The following BMS1 variants were observed in gnomAD, a reference collection of about 807,000 sequenced individuals.
BMS1 encodes BMS1 ribosome biogenesis factor.
A neutral mutation model predicts 138.7 loss-of-function variants in BMS1; 53 were observed. The observed-to-expected ratio is 0.38, with a 90% CI of 0.31 to 0.48. BMS1 has a LOEUF of 0.48. Among genes scored for constraint, BMS1 ranks in the 20% least tolerant of loss-of-function variants. BMS1 has a pLI of 0.97. For synonymous variants in BMS1, 504 were observed against 539.9 expected (o/e 0.93, Z 0.92); for missense variants, 1,360 against 1,565.5 (o/e 0.87, Z 2.22).
chr10:42,807,495 G>A (rs1360745758), intron 13 of BMS1, among the ~76,000 whole-genome samples: 2 of 152,106 alleles, frequency 1.3e-5, no homozygotes, highest in East Asian at 3.8e-4. Flanking sequence ...TTTTCAGACA[G>A]GGTCTTGCTC....
chr10:42,814,062 T>G (rs1196313459), intron 13 of BMS1, among the ~76,000 whole-genome samples: 2 of 152,244 alleles, frequency 1.3e-5, no homozygotes, highest in Non-Finnish European at 2.9e-5. Context: ...GTTTTTAGTT[T>G]TGAAAGTTTA....
At chr10:42,817,149 G>C (rs1391912820) in intron 14 of BMS1, among the ~76,000 whole-genome samples, 169 bp from the exon 15 acceptor site, 3 of 152,194 alleles carry the variant, frequency 2.0e-5, no homozygotes, top group African/African-American at 7.2e-5. Context: ...TCCTGTAGCA[G>C]TACCATGTTA....
At chr10:42,806,759 A>AG (rs1210835692) in intron 13 of BMS1, among the ~76,000 whole-genome samples, 1 of 150,192 alleles carries the variant, frequency 6.7e-6, no homozygotes, top group Non-Finnish European at 1.5e-5. Flanking sequence ...AAAAAAAAAA[A>AG]TCACCTTTTC....
chr10:42,819,867 C>G (rs1349533736), intron 15 of BMS1, among the ~76,000 whole-genome samples: 1 of 152,178 alleles, frequency 6.6e-6, no homozygotes, highest in African/African-American at 2.4e-5. Flanking sequence ...TCTCGACTCA[C>G]TGCAACCTCC....
rs1026075979 is a variant in BMS1 at position 42,817,320 on chromosome 10, T to C, written c.2406T>C (p.Asn802=). ...HKGKSGPNTQ[N]EDIEKEVKEE... is the part of the protein sequence containing the mutation. ...ATTTTTTCTTCTGGAAATTTAAGAA[T>C]GAAGATATAGAGAAAGAAGTTAAGG... The change falls in exon 15 of 23, where the codon AAT becomes AAC. Residue 802 remains asparagine (N), a splice_region_variant and synonymous_variant. Coordinates refer to ENST00000374518, the MANE Select transcript of BMS1 (RefSeq NM_014753.4). The C allele has an allele frequency of 1.1e-5, 18 of 1,574,886 alleles. No individual in the cohort carries two copies. The African/African-American group carries it at 2.4e-4, about 21-fold the overall frequency.
chr10:42,786,143 A>T (rs1456750972), intron 3 of BMS1, among the ~76,000 whole-genome samples: 4 of 152,220 alleles, frequency 2.6e-5, no homozygotes, highest in Non-Finnish European at 1.5e-5. Flanking sequence ...AGGGCCTAGC[A>T]GGCCTAGTCA....
rs1394639576 is a variant in BMS1 at position 42,792,532 on chromosome 10, C to T, written c.819C>T (p.Asn273=). 3 of 1,610,958 alleles carry T rather than the reference C, an allele frequency of 1.9e-6. No individual in the cohort carries two copies. The highest frequency in any genetic ancestry group is 2.2e-5 in the East Asian group (1 of 44,798). ...DLTNPEDIRT[N]IKCDRKVSLY... is the part of the protein sequence containing the mutation. ...CAAACCCAGAGGATATCCGAACAAA[C>T]ATCAAATGTGACCGGAAGGTGTCAC... Residue 273 remains asparagine, a synonymous_variant, in exon 7 of 23, where the codon AAC becomes AAT. Coordinates refer to ENST00000374518, the MANE Select transcript of BMS1 (RefSeq NM_014753.4).
intron 10 of BMS1, 51 bp downstream of exon 10, chr10:42,797,282 T>G: frequency 6.3e-7 from 1 of 1,578,052 alleles, no homozygotes; most frequent in Non-Finnish European, 8.6e-7. Context: ...CTCGAAATGG[T>G]AACCAAAGGA....
At chr10:42,804,539 CCA>C (rs988368440) in intron 13 of BMS1, among the ~76,000 whole-genome samples, 56 of 152,098 alleles carry the variant, frequency 3.7e-4, no homozygotes, top group African/African-American at 1.3e-3. Context: ...AAATATCTGT[CCA>C]AATCTTTTGT....
In BMS1 at chr10:42,802,211, A is replaced by G; in HGVS notation, c.2322A>G (p.Ala774=). 2 of 1,613,278 alleles carry G rather than the reference A, an allele frequency of 1.2e-6. No individual in the cohort carries two copies. The highest frequency in any genetic ancestry group is 1.7e-6 in the Non-Finnish European group (2 of 1,179,492). The change falls in exon 13 of 23, where the codon GCA becomes GCG. Residue 774 remains alanine, a synonymous_variant. Transcript: ENST00000374518. The part of the protein sequence containing the change: ...EDDKDAAKVL[A]EDEELYGDFE... ...ATAAAGATGCAGCCAAGGTCTTAGC[A>G]GAAGATGGTAAGTAAAGAGCTGGGT...
chr10:42,803,564 C>T (rs192154819), intron 13 of BMS1, among the ~76,000 whole-genome samples: 94 of 152,200 alleles, frequency 6.2e-4, no homozygotes, highest in Non-Finnish European at 8.5e-4. Context: ...AGCTTTATCA[C>T]GTTACTAAGA....
At chr10:42,815,418 C>T (rs985737154) in intron 13 of BMS1, among the ~76,000 whole-genome samples, 1 of 152,010 alleles carries the variant, frequency 6.6e-6, no homozygotes, top group African/African-American at 2.4e-5. Flanking sequence ...AGGTTTATTC[C>T]TATTTTATCC....
intron 21 of BMS1, among the ~76,000 whole-genome samples, chr10:42,827,320 C>G (rs1433080945): frequency 6.6e-6 from 1 of 152,102 alleles, no homozygotes; most frequent in Non-Finnish European, 1.5e-5. Context: ...AATAAGTTAC[C>G]GAGTCTCAGG....
At chr10:42,791,428 C>T (rs1841501522) in intron 5 of BMS1, among the ~76,000 whole-genome samples, 199 bp from the exon 6 acceptor site, 1 of 152,194 alleles carries the variant, frequency 6.6e-6, no homozygotes. Context: ...GATGCCCCGG[C>T]TCGGCTGCAG....
intron 13 of BMS1, among the ~76,000 whole-genome samples, chr10:42,803,400 A>G (rs547484446): frequency 8.4e-4 from 128 of 152,230 alleles, no homozygotes; most frequent in Non-Finnish European, 1.5e-3. Context: ...TAGCCTTCCA[A>G]AGTGCTGGGA....
rs754249224 is a variant in BMS1, at chr10:42,820,546, C to T, written c.2808C>T (p.Leu936=). The T allele has an allele frequency of 6.2e-6, 10 of 1,610,954 alleles. No individual in the cohort carries two copies. In the Admixed American group the frequency reaches 1.5e-4, roughly 24 times the overall value. ...AACATCGCTGGTATAAGAAAATCCT[C>T]AAGTCCCGAGATCCAATCATATTTT... is the stretch of plus-strand genomic sequence containing the variant. The part of the protein sequence containing the change: ...LKKHRWYKKI[L]KSRDPIIFSV... The change falls in exon 17 of 23, where the codon CTC becomes CTT. Residue 936 remains leucine, a synonymous_variant. Coordinates refer to ENST00000374518, the MANE Select transcript of BMS1 (RefSeq NM_014753.4).
chr10:42,805,329 T>C (rs757529843), intron 13 of BMS1, among the ~76,000 whole-genome samples: 1 of 152,212 alleles, frequency 6.6e-6, no homozygotes, highest in Non-Finnish European at 1.5e-5. Flanking sequence ...TCCATTGATA[T>C]ATTTGTTTAT....
chr10:42,824,125 GA>G (rs769293442), intron 21 of BMS1, among the ~76,000 whole-genome samples: 2 of 152,130 alleles, frequency 1.3e-5, no homozygotes, highest in Non-Finnish European at 2.9e-5. Flanking sequence ...CACACAGTTA[GA>G]TTTTTTTGTG....
intron 12 of BMS1, among the ~76,000 whole-genome samples, chr10:42,801,130 G>C (rs766189453): frequency 6.6e-6 from 1 of 152,180 alleles, no homozygotes; most frequent in Non-Finnish European, 1.5e-5. Flanking sequence ...GTATTTCAAC[G>C]TGACAGCCTA....
Sources: gnomAD v4.1 joint callset for allele counts (sites outside exome capture counted in the v4.1 genomes callset) on GRCh38, gnomAD v4.1.1 for gene constraint, MANE v1.5 for transcripts, NCBI Gene and HGNC (gene_info 2026-07-23, HGNC 2026-07-21) for gene names.